The following SLC38A6 variants were observed in gnomAD, a reference collection of about 807,000 sequenced individuals.
SLC38A6 encodes solute carrier family 38 member 6, also known as N system amino acid transporter NAT-1.
SLC38A6 carries 73 observed loss-of-function variants against 65.0 expected under a neutral mutation model. The ratio of observed to expected loss-of-function variants is 1.12; its 90% CI spans 0.93 to 1.37. SLC38A6 has a LOEUF of 1.37. Ranked by LOEUF, SLC38A6 falls within the 40% of genes most tolerant of loss-of-function variation. The probability of loss-of-function intolerance (pLI) is 0.00; values close to 1 mark genes in which losing one functional copy is unlikely to be tolerated. For synonymous variants in SLC38A6, 183 were observed against 178.8 expected (o/e 1.02, Z -0.19); for missense variants, 561 against 531.1 (o/e 1.06, Z -0.55).
In SLC38A6 at chr14:61,046,219, C is replaced by G. The variant is rs1313443477; in HGVS notation, c.925+52C>G. On this transcript the variant is annotated intron_variant, in intron 12 of 15. Coordinates refer to ENST00000267488, the MANE Select transcript of SLC38A6 (RefSeq NM_153811.3). ...ACAAAATAATAGTTACATAGATGGC[C>G]TCACGCCAATCTATAGACTTTACCT... 4.2e-6 allele frequency: 5 copies of G among 1,195,902 alleles called. No individual in the cohort carries two copies. In the African/African-American group the frequency reaches 6.1e-5, roughly 14 times the overall value. The allele number at this position is 1,195,902 out of a possible 1,614,324, so 74.1% of individuals were successfully genotyped here. A position where few individuals can be genotyped will look rare whatever the true frequency, so the allele number is the denominator to read the frequency against.
chr14:61,006,212 A>C (rs189158254), intron 3 of SLC38A6, among the ~76,000 whole-genome samples: 87 of 152,350 alleles, frequency 5.7e-4, no homozygotes, highest in East Asian at 5.0e-3. Context: ...TTAGATCTAA[A>C]ACCATAAAAA....
intron 3 of SLC38A6, among the ~76,000 whole-genome samples, chr14:61,000,426 G>A (rs1348209803): frequency 6.6e-6 from 1 of 152,208 alleles, no homozygotes; most frequent in African/African-American, 2.4e-5. Flanking sequence ...TCAGGAGTTC[G>A]TGACCAGTAG....
At chr14:61,075,234 T>G (rs903069958) in intron 15 of SLC38A6, among the ~76,000 whole-genome samples, 5 of 152,204 alleles carry the variant, frequency 3.3e-5, no homozygotes, top group Non-Finnish European at 5.9e-5. Flanking sequence ...CTCTGTCTCC[T>G]GAAACTAATA....
At chr14:61,061,079 C>A (rs185925769) in intron 15 of SLC38A6, among the ~76,000 whole-genome samples, 287 of 152,222 alleles carry the variant, frequency 1.9e-3, no homozygotes, top group African/African-American at 6.7e-3. Flanking sequence ...AATCACCCGT[C>A]TTCTGCGTCG....
chr14:61,081,683 C>A (rs2043658350), intron 16 of SLC38A6, among the ~76,000 whole-genome samples: 1 of 151,176 alleles, frequency 6.6e-6, no homozygotes. Context: ...GACTCTGTCT[C>A]AAAAAAAAAT....
chr14:61,023,354 T>C (rs2040438256), intron 5 of SLC38A6, among the ~76,000 whole-genome samples: 1 of 152,076 alleles, frequency 6.6e-6, no homozygotes, highest in Non-Finnish European at 1.5e-5. Context: ...GAGGATTGCC[T>C]GAGCTCAGGA....
chr14:61,079,752 C>T (rs959346726), intron 16 of SLC38A6, among the ~76,000 whole-genome samples: 48 of 152,330 alleles, frequency 3.2e-4, no homozygotes, highest in African/African-American at 9.9e-4. Context: ...CCTCCCATCC[C>T]TACTTTACCC....
intron 3 of SLC38A6, among the ~76,000 whole-genome samples, chr14:60,993,518 A>G (rs570508481): frequency 5.0e-4 from 76 of 152,344 alleles, no homozygotes; most frequent in Non-Finnish European, 9.1e-4. Flanking sequence ...GTGAAAGTCT[A>G]CTAACTGAAG....
intron 16 of SLC38A6, among the ~76,000 whole-genome samples, chr14:61,080,692 G>A (rs771888059): frequency 1.3e-5 from 2 of 152,320 alleles, no homozygotes; most frequent in Admixed American, 6.5e-5. Context: ...ACAGGACCCG[G>A]GGGCCCAGGC....
intron 8 of SLC38A6, among the ~76,000 whole-genome samples, chr14:61,039,821 C>T (rs1313919321): frequency 6.6e-6 from 1 of 151,792 alleles, no homozygotes; most frequent in African/African-American, 2.4e-5. Flanking sequence ...ATATGTATAG[C>T]ATTTATATCA....
intron 5 of SLC38A6, among the ~76,000 whole-genome samples, chr14:61,024,533 G>C (rs1189891789): frequency 2.6e-5 from 4 of 152,214 alleles, no homozygotes; most frequent in African/African-American, 4.8e-5. Context: ...CTGGCTTAGA[G>C]AGTTTGAATT....
intron 3 of SLC38A6, chr14:61,002,015 G>C (rs1380023033): frequency 6.6e-6 from 1 of 151,934 alleles, no homozygotes; most frequent in Non-Finnish European, 1.5e-5. Context: ...ATATTTGTTT[G>C]TTTTTATCCA....
At chr14:61,018,304 C>T (rs540347212) in intron 4 of SLC38A6, among the ~76,000 whole-genome samples, 3 of 152,116 alleles carry the variant, frequency 2.0e-5, no homozygotes, top group East Asian at 1.9e-4. Flanking sequence ...CAAATAACTT[C>T]GACATTTTGG....
chr14:61,036,791 T>C (rs922717406), intron 6 of SLC38A6, among the ~76,000 whole-genome samples: 9 of 152,174 alleles, frequency 5.9e-5, no homozygotes, highest in Non-Finnish European at 1.0e-4. Context: ...TAATGTTGAC[T>C]ATTATCTTAT....
chr14:61,082,827 C>A (rs1413486236), intron 16 of SLC38A6, among the ~76,000 whole-genome samples: 3 of 152,178 alleles, frequency 2.0e-5, no homozygotes, highest in Non-Finnish European at 4.4e-5. Flanking sequence ...TCTCTGCTGT[C>A]CACTGGAGCC....
At chr14:61,070,002 T>C (rs1395247298) in intron 15 of SLC38A6, among the ~76,000 whole-genome samples, 1 of 152,204 alleles carries the variant, frequency 6.6e-6, no homozygotes, top group African/African-American at 2.4e-5. Context: ...CTTTGCCCCT[T>C]TGACTTCTCT....
intron 10 of SLC38A6, among the ~76,000 whole-genome samples, chr14:61,044,826 C>A (rs952952747): frequency 1.3e-5 from 2 of 152,030 alleles, no homozygotes; most frequent in Non-Finnish European, 2.9e-5. Context: ...TGAAAGAGAT[C>A]CTAATCAAAG....
chr14:61,039,113 G>T (rs1490011470), intron 8 of SLC38A6, among the ~76,000 whole-genome samples: 2 of 152,134 alleles, frequency 1.3e-5, no homozygotes, highest in African/African-American at 4.8e-5. Context: ...ATAGCTTAAA[G>T]CAGGTTAAAT....
intron 5 of SLC38A6, among the ~76,000 whole-genome samples, chr14:61,025,690 A>G (rs1054119320): frequency 6.6e-6 from 1 of 152,212 alleles, no homozygotes; most frequent in African/African-American, 2.4e-5. Context: ...CCTGAAAATG[A>G]TAAGACAAAG....
Sources: gnomAD v4.1 joint callset for allele counts (sites outside exome capture counted in the v4.1 genomes callset) on GRCh38, gnomAD v4.1.1 for gene constraint, MANE v1.5 for transcripts, NCBI Gene and HGNC (gene_info 2026-07-23, HGNC 2026-07-21) for gene names.